SCRN1: variants seen among roughly 807,000 people sequenced by gnomAD.
SCRN1 encodes the protein secernin-1.
In SCRN1, 19 loss-of-function variants were observed where a neutral mutation model predicts 43.3. The observed-to-expected ratio is 0.44, with a 90% CI of 0.31 to 0.64. SCRN1 has a LOEUF of 0.64. Ranked by LOEUF, SCRN1 falls within the 30% of genes least tolerant of loss-of-function variation. SCRN1 has a pLI of 0.09. For synonymous variants in SCRN1, 183 were observed against 188.9 expected (o/e 0.97, Z 0.26); for missense variants, 447 against 524.1 (o/e 0.85, Z 1.44).
intron 2 of SCRN1, among the ~76,000 whole-genome samples, chr7:29,967,391 C>CTT (rs372901964): frequency 0.15 from 20,180 of 137,210 alleles, 1,485 homozygotes; most frequent in Middle Eastern, 0.18. Flanking sequence ...TTCATGTATA[C>CTT]TTTTTTTTTT....
chr7:29,968,769 T>C, intron 2 of SCRN1, 140 bp downstream of exon 2: 2 of 1,034,620 alleles, frequency 1.9e-6, no homozygotes, highest in Non-Finnish European at 1.4e-6. Context: ...TGAGCAAACC[T>C]GCATGGAAAC....
intron 1 of SCRN1, among the ~76,000 whole-genome samples, chr7:29,978,591 A>T (rs1034654529): frequency 6.6e-6 from 1 of 151,962 alleles, no homozygotes; most frequent in African/African-American, 2.4e-5. Flanking sequence ...ACTCTGAGCC[A>T]GAGTTTCCTC....
intron 3 of SCRN1, among the ~76,000 whole-genome samples, chr7:29,952,361 T>G (rs1021670337): frequency 2.6e-5 from 4 of 152,196 alleles, no homozygotes; most frequent in African/African-American, 9.7e-5. Flanking sequence ...CATCTGGAGC[T>G]TCTTAAAAAT....
At chr7:29,944,288 TAAACATGTTAAGTCTGCAGAACAATAAGC>T in intron 3 of SCRN1, 109 bp from the exon 4 acceptor site, 1 of 862,066 alleles carries the variant, frequency 1.2e-6, no homozygotes, top group Non-Finnish European at 1.9e-6. Context: ...CCAACATGTG[TAAACATGTTAAGTCTGCAGAACAATAAGC>T]AAACTGATTA....
chr7:29,986,838 C>T (rs1789175418), intron 1 of SCRN1, among the ~76,000 whole-genome samples: 1 of 151,196 alleles, frequency 6.6e-6, no homozygotes. Context: ...GATTCTCCTG[C>T]CTCAGCCTCC....
chr7:29,936,187 G>A (rs915600156), intron 6 of SCRN1, among the ~76,000 whole-genome samples: 7 of 152,100 alleles, frequency 4.6e-5, no homozygotes, highest in Non-Finnish European at 8.8e-5. Flanking sequence ...TCTCTGTCTC[G>A]CTGTGTTTTG....
chr7:29,987,757 G>A (rs561407929), intron 1 of SCRN1, among the ~76,000 whole-genome samples: 7 of 152,282 alleles, frequency 4.6e-5, no homozygotes, highest in African/African-American at 1.4e-4. Flanking sequence ...GCTCTAAAAG[G>A]TAGCATGTGG....
chr7:29,968,752 A>G (rs2128097541), intron 2 of SCRN1, among the ~76,000 whole-genome samples, 157 bp downstream of exon 2: 1 of 152,352 alleles, frequency 6.6e-6, no homozygotes, highest in South Asian at 2.1e-4. Context: ...CCTTGTTTTC[A>G]AGGCTATGAG....
At position 29,986,190 on chromosome 7, in the gene SCRN1, C is replaced by T. The variant is rs373971765; in HGVS notation, c.-2+3452G>A. On this transcript the variant is annotated intron_variant, in intron 1 of 7. Transcript: ENST00000242059. The stretch of plus-strand genomic sequence containing the variant: ...GGCAGAGGTTGCAGTGAGCCGAGAT[C>T]GTGCCACTGCACTCTAGCCTGGGTG... Among the ~76,000 whole-genome samples the T allele has an allele frequency of 1.2e-4, 19 of 152,302 alleles. No homozygotes were observed. In the South Asian group the frequency reaches 3.3e-3, roughly 27 times the overall value.
intron 1 of SCRN1, among the ~76,000 whole-genome samples, chr7:29,977,697 A>G (rs928740903): frequency 2.0e-5 from 3 of 152,246 alleles, no homozygotes; most frequent in African/African-American, 7.2e-5. Context: ...GTAATGGAAG[A>G]ATAACTGTAT....
intron 6 of SCRN1, among the ~76,000 whole-genome samples, 154 bp from the exon 7 acceptor site, chr7:29,926,786 T>C (rs761967226): frequency 7.9e-5 from 12 of 152,144 alleles, no homozygotes; most frequent in Non-Finnish European, 5.9e-5. Context: ...AAGAGAGACA[T>C]AACTGCATGT....
chr7:29,969,844 T>G (rs1444818697), intron 1 of SCRN1: 1 of 456,406 alleles, frequency 2.2e-6, no homozygotes, highest in Admixed American at 2.3e-5. Flanking sequence ...CTGCCTGATA[T>G]CCGAAGCTGA....
chr7:29,972,878 G>A (rs1009853884), intron 1 of SCRN1, among the ~76,000 whole-genome samples: 1 of 152,194 alleles, frequency 6.6e-6, no homozygotes, highest in Admixed American at 6.5e-5. Flanking sequence ...TGATGAAGGA[G>A]CACAGTTTTC....
At chr7:29,989,956 G>T, upstream of SCRN1, 1 of 1,357,292 alleles carries the variant, frequency 7.4e-7, no homozygotes, top group Non-Finnish European at 9.5e-7. Flanking sequence ...CGAGTAGGGA[G>T]GGGGCCTGGG....
Position 29,969,064 on chromosome 7 carries a change from C to A in SCRN1, c.4G>T (p.Ala2Ser). M[A>S]AAPPSYCFVA... ...AAACAGTAACTTGGAGGAGCTGCAG[C>A]CATCCTGAAAAGAGAATGCCAGCAA... The change falls in exon 2 of 8, where the codon GCT becomes TCT. Residue 2 changes from alanine (A) to serine (S), a missense_variant. Coordinates refer to ENST00000242059, the MANE Select transcript of SCRN1 (RefSeq NM_014766.5). The A allele has an allele frequency of 6.2e-7, 1 of 1,612,318 alleles. No homozygotes were observed. Among genetic ancestry groups the A allele is most frequent in the Non-Finnish European group, 8.5e-7 (1 of 1,179,160 alleles).
intron 5 of SCRN1, among the ~76,000 whole-genome samples, chr7:29,937,078 AAC>A (rs1162597310): frequency 6.6e-6 from 1 of 152,162 alleles, no homozygotes; most frequent in African/African-American, 2.4e-5. Context: ...GAGTAGCTAT[AAC>A]ACAAAACTGT....
At chr7:29,945,509 C>T (rs991959831) in intron 3 of SCRN1, among the ~76,000 whole-genome samples, 5 of 152,152 alleles carry the variant, frequency 3.3e-5, no homozygotes, top group East Asian at 1.9e-4. Context: ...ATAAAATGAA[C>T]GCCCACATCA....
At chr7:29,955,887 A>T (rs954072410) in intron 2 of SCRN1, among the ~76,000 whole-genome samples, 1 of 152,196 alleles carries the variant, frequency 6.6e-6, no homozygotes, top group African/African-American at 2.4e-5. Flanking sequence ...AAGGATAATA[A>T]CATTTGCATT....
At chr7:29,953,149 G>A (rs747606939) in intron 3 of SCRN1, among the ~76,000 whole-genome samples, 2 of 152,158 alleles carry the variant, frequency 1.3e-5, no homozygotes, top group African/African-American at 2.4e-5. Context: ...TTTGCTGAAG[G>A]CCACACCCTG....
Sources: allele counts gnomAD v4.1 joint callset (sites outside exome capture counted in the v4.1 genomes callset), GRCh38; gene constraint gnomAD v4.1.1; transcripts MANE v1.5; gene names NCBI Gene and HGNC (gene_info 2026-07-23, HGNC 2026-07-21).